INPP4A: variants seen among roughly 807,000 people sequenced by gnomAD.
INPP4A encodes inositol polyphosphate-4-phosphatase type I A.
Under a neutral mutation model 119.8 loss-of-function variants are expected in INPP4A, and 33 were observed. That is an observed-to-expected ratio of 0.28 (90% CI 0.21 to 0.37). INPP4A has a LOEUF of 0.37. Among genes scored for constraint, INPP4A ranks in the 10% least tolerant of loss-of-function variants. The pLI, the probability that INPP4A is intolerant of heterozygous loss-of-function variation, is 1.00. For missense variants in INPP4A, 956 were observed against 1,289.9 expected (o/e 0.74, Z 3.97); for synonymous variants, 496 against 500.7 (o/e 0.99, Z 0.12).
chr2:98,501,333 CA>C (rs113596202), intron 1 of INPP4A, among the ~76,000 whole-genome samples: 243 of 148,018 alleles, frequency 1.6e-3, no homozygotes, highest in Non-Finnish European at 2.3e-3. Context: ...GACTTTGTCT[CA>C]AAAAAAAAAT....
intron 1 of INPP4A, among the ~76,000 whole-genome samples, chr2:98,454,547 G>T (rs1275439329): frequency 6.6e-6 from 1 of 152,022 alleles, no homozygotes; most frequent in Admixed American, 6.5e-5. Flanking sequence ...GCACTGGACC[G>T]GTGCAAACAT....
chr2:98,492,618 T>C (rs1174140369), intron 1 of INPP4A, among the ~76,000 whole-genome samples: 1 of 152,198 alleles, frequency 6.6e-6, no homozygotes, highest in Non-Finnish European at 1.5e-5. Flanking sequence ...CCTTTAGGGA[T>C]GACTGGATTG....
chr2:98,479,411 A>G (rs968061971), intron 1 of INPP4A, among the ~76,000 whole-genome samples: 5 of 152,212 alleles, frequency 3.3e-5, no homozygotes, highest in Non-Finnish European at 5.9e-5. Flanking sequence ...TATCATAATT[A>G]GAAGACAGTT....
chr2:98,568,098 G>A (rs1490346764), intron 21 of INPP4A, among the ~76,000 whole-genome samples: 5 of 152,224 alleles, frequency 3.3e-5, no homozygotes, highest in African/African-American at 9.6e-5. Context: ...GCACGATGAC[G>A]AAAGGGCAAG....
At chr2:98,568,813 CAG>C (rs150453354) in intron 22 of INPP4A, 145 bp downstream of exon 22, 29,017 of 539,536 alleles carry the variant, frequency 0.054, no homozygotes, top group South Asian at 0.077. Context: ...CACACACACG[CAG>C]AGAGAGAGAG....
chr2:98,550,047 C>T (rs962125926), intron 13 of INPP4A, among the ~76,000 whole-genome samples: 6 of 152,058 alleles, frequency 3.9e-5, no homozygotes, highest in Admixed American at 2.6e-4. Context: ...AGGCCTTTGG[C>T]TTTACCAAGG....
At chr2:98,581,958 G>A in intron 24 of INPP4A, 1 of 824,496 alleles carries the variant, frequency 1.2e-6, no homozygotes, top group Non-Finnish European at 1.8e-6. Flanking sequence ...TGTTTGTTTA[G>A]CTCCTGTAGC....
intron 1 of INPP4A, among the ~76,000 whole-genome samples, chr2:98,500,847 G>T (rs1433808758): frequency 2.6e-5 from 4 of 152,194 alleles, no homozygotes; most frequent in African/African-American, 9.7e-5. Context: ...TGCACAGATG[G>T]GCCTAGAAGG....
At chr2:98,510,290 C>T (rs1243809393) in intron 1 of INPP4A, among the ~76,000 whole-genome samples, 1 of 152,120 alleles carries the variant, frequency 6.6e-6, no homozygotes, top group Non-Finnish European at 1.5e-5. Flanking sequence ...GGACAGAACT[C>T]CATCTACTGA....
intron 1 of INPP4A, among the ~76,000 whole-genome samples, chr2:98,448,135 C>T (rs1003714538): frequency 6.6e-6 from 1 of 150,716 alleles, no homozygotes; most frequent in African/African-American, 2.4e-5. Context: ...GTGGGAGGAT[C>T]ACTTGAGTCC....
At chr2:98,461,173 G>A (rs1313669394) in intron 1 of INPP4A, among the ~76,000 whole-genome samples, 1 of 152,170 alleles carries the variant, frequency 6.6e-6, no homozygotes, top group East Asian at 1.9e-4. Flanking sequence ...CAGGGACGGG[G>A]GTTGGCTCAT....
intron 24 of INPP4A, among the ~76,000 whole-genome samples, chr2:98,579,804 T>A (rs1412195038): frequency 3.3e-5 from 5 of 152,264 alleles, no homozygotes; most frequent in Admixed American, 3.3e-4. Context: ...CTTGCTTATT[T>A]CTTTGTTTTC....
chr2:98,476,869 G>A (rs1001756023), intron 1 of INPP4A, among the ~76,000 whole-genome samples: 2 of 152,178 alleles, frequency 1.3e-5, no homozygotes, highest in Admixed American at 1.3e-4. Flanking sequence ...CTTGTTTGCC[G>A]TTATAAGTGT....
chr2:98,537,935 G>C lies in INPP4A; in HGVS notation c.540G>C (p.Arg180=), dbSNP rs757980479. 6.2e-7 allele frequency: 1 copy of C among 1,612,864 alleles called. No individual in the cohort carries two copies. The highest frequency in any genetic ancestry group is 8.5e-7 in the Non-Finnish European group (1 of 1,179,396). Residue 180 remains arginine (R), a synonymous_variant, in exon 8 of 25, where the codon CGG becomes CGC. Coordinates refer to ENST00000409851, the MANE Select transcript of INPP4A (RefSeq NM_001134225.2). Reference sequence around the variant, plus strand: ...AGATGGAGGAGAAGTCAGACCAACGGCCCCCTGTGACCCGGTCTGTGGACA... The same window carrying C: ...AGATGGAGGAGAAGTCAGACCAACGCCCCCCTGTGACCCGGTCTGTGGACA... ...GWQMEEKSDQ[R]PPVTRSVDTV...
chr2:98,543,786 C>T, intron 10 of INPP4A, 91 bp from the exon 11 acceptor site: 1 of 1,505,494 alleles, frequency 6.6e-7, no homozygotes, highest in Non-Finnish European at 9.0e-7. Flanking sequence ...GATACTTCCC[C>T]TGCAAATGCT....
intron 1 of INPP4A, among the ~76,000 whole-genome samples, chr2:98,500,407 C>T (rs1682886986): frequency 6.6e-6 from 1 of 152,142 alleles, no homozygotes; most frequent in Non-Finnish European, 1.5e-5. Context: ...CATCCTGCTC[C>T]AGGTCCATTG....
chr2:98,549,041 C>G, intron 13 of INPP4A: 1 of 1,433,482 alleles, frequency 7.0e-7, no homozygotes, highest in Non-Finnish European at 9.7e-7. Context: ...TGTGCCATCC[C>G]CACACCTCCT....
chr2:98,550,949 C>A (rs1002737655), intron 13 of INPP4A, among the ~76,000 whole-genome samples: 1 of 151,726 alleles, frequency 6.6e-6, no homozygotes, highest in Non-Finnish European at 1.5e-5. Context: ...TGGGAAGAAT[C>A]CTTTTTTTTT....
intron 13 of INPP4A, among the ~76,000 whole-genome samples, chr2:98,547,697 A>G (rs17446058): frequency 0.23 from 34,768 of 151,910 alleles, 4,183 homozygotes; most frequent in Middle Eastern, 0.34. Context: ...AGGTAAGGTG[A>G]ATGAGAGGAA....
Sources: allele counts gnomAD v4.1 joint callset (sites outside exome capture counted in the v4.1 genomes callset), GRCh38; gene constraint gnomAD v4.1.1; transcripts MANE v1.5; gene names NCBI Gene and HGNC (gene_info 2026-07-23, HGNC 2026-07-21).